Variants in GRIP1 observed in about 807,000 individuals in gnomAD.
GRIP1 encodes the protein glutamate receptor-interacting protein 1.
In GRIP1, 45 loss-of-function variants were observed where a neutral mutation model predicts 129.9. That is an observed-to-expected ratio of 0.35 (90% CI 0.27 to 0.44). GRIP1 has a LOEUF of 0.44. GRIP1 is among the 20% of genes least tolerant of loss of function. GRIP1 has a pLI of 1.00. For missense variants in GRIP1, 1,196 were observed against 1,396.8 expected, an observed-to-expected ratio of 0.86 and a Z score of 2.29; for synonymous variants, 530 against 520.8, an observed-to-expected ratio of 1.02 and a Z score of -0.24.
At chr12:66,838,969 C>T (rs1447734627) in intron 1 of GRIP1, among the ~76,000 whole-genome samples, 4 of 152,062 alleles carry the variant, frequency 2.6e-5, no homozygotes, top group Non-Finnish European at 5.9e-5. Flanking sequence ...CTGCCTTGAT[C>T]ACAAATACTA....
At chr12:66,456,037 A>C (rs1191424081) in intron 10 of GRIP1, 150 bp downstream of exon 10, 1 of 420,856 alleles carries the variant, frequency 2.4e-6, no homozygotes, top group Non-Finnish European at 4.3e-6. Flanking sequence ...CTGATGGAAA[A>C]GAAAAAAACC....
At chr12:66,582,439 T>C (rs538201553) in intron 2 of GRIP1, among the ~76,000 whole-genome samples, 1 of 149,584 alleles carries the variant, frequency 6.7e-6, no homozygotes, top group Non-Finnish European at 1.5e-5. Context: ...TAAAGGGTAT[T>C]CAATTAAGAA....
chr12:66,701,887 TA>T (rs1205506981), intron 1 of GRIP1, among the ~76,000 whole-genome samples: 1 of 152,232 alleles, frequency 6.6e-6, no homozygotes, highest in Non-Finnish European at 1.5e-5. Context: ...GCAGTAGCTA[TA>T]TACTTAATTG....
intron 1 of GRIP1, among the ~76,000 whole-genome samples, chr12:66,851,904 A>G (rs2039918866): frequency 6.6e-6 from 1 of 152,134 alleles, no homozygotes; most frequent in Non-Finnish European, 1.5e-5. Context: ...TCATTTTTAC[A>G]GATCATAAAA....
chr12:66,919,866 G>A (rs945060969), intron 1 of GRIP1, among the ~76,000 whole-genome samples: 2 of 152,054 alleles, frequency 1.3e-5, no homozygotes, highest in African/African-American at 4.8e-5. Flanking sequence ...CATACAAAAT[G>A]CCTGAAGCAA....
intron 7 of GRIP1, among the ~76,000 whole-genome samples, chr12:66,493,215 G>C (rs2060151409): frequency 6.6e-6 from 1 of 152,154 alleles, no homozygotes. Flanking sequence ...TAAGAGTTGG[G>C]AACTATTGCT....
intron 2 of GRIP1, among the ~76,000 whole-genome samples, chr12:66,554,250 GT>G (rs926859529): frequency 1.4e-4 from 21 of 152,306 alleles, no homozygotes; most frequent in Non-Finnish European, 2.4e-4. Flanking sequence ...ACCACACAAA[GT>G]TGGGAGGTGT....
At chr12:66,478,870 T>G (rs1241848894) in intron 7 of GRIP1, among the ~76,000 whole-genome samples, 1 of 151,996 alleles carries the variant, frequency 6.6e-6, no homozygotes, top group Non-Finnish European at 1.5e-5. Context: ...CACACCCTGG[T>G]GCCTGTTATG....
At position 66,406,365 on chromosome 12, in the gene GRIP1, A is replaced by G; in HGVS notation, c.1902T>C (p.Cys634=). 2 of 1,613,994 alleles carry G rather than the reference A, an allele frequency of 1.2e-6. No homozygotes were observed. Among genetic ancestry groups the G allele is most frequent in the Non-Finnish European group, 1.7e-6 (2 of 1,179,856 alleles). ...GGATCTGAACTGCATCTTCCATGGA[A>G]CAGTTGTCCAGCCGGATATTATCTA... The part of the protein sequence containing the change: ...LAIDNIRLDN[C]SMEDAVQILQ... The change falls in exon 16 of 25, where the codon TGT becomes TGC. Residue 634 remains cysteine, a synonymous_variant. Coordinates refer to ENST00000359742, the MANE Select transcript of GRIP1 (RefSeq NM_001366722.1).
chr12:66,500,682 A>C (rs1007014553), intron 7 of GRIP1, among the ~76,000 whole-genome samples: 3 of 152,180 alleles, frequency 2.0e-5, no homozygotes, highest in African/African-American at 7.2e-5. Context: ...TCAATCATTC[A>C]ATGTTCCATG....
intron 16 of GRIP1, among the ~76,000 whole-genome samples, chr12:66,403,031 T>C (rs1390490575): frequency 6.6e-6 from 1 of 152,216 alleles, no homozygotes. Context: ...ATGTAGACAT[T>C]ACTGAAAATG....
intron 1 of GRIP1, among the ~76,000 whole-genome samples, chr12:66,746,006 T>G (rs527499038): frequency 2.2e-4 from 34 of 152,086 alleles, no homozygotes; most frequent in Non-Finnish European, 4.1e-4. Flanking sequence ...TAAAGTTAGT[T>G]CTCAAATATA....
intron 1 of GRIP1, among the ~76,000 whole-genome samples, chr12:66,607,790 G>A (rs1199021171): frequency 6.6e-6 from 1 of 152,100 alleles, no homozygotes; most frequent in Non-Finnish European, 1.5e-5. Flanking sequence ...CTAGACTTAA[G>A]AATTTTCTGA....
intron 1 of GRIP1, among the ~76,000 whole-genome samples, chr12:66,976,384 G>A (rs930971180): frequency 6.6e-6 from 1 of 152,130 alleles, no homozygotes; most frequent in African/African-American, 2.4e-5. Context: ...CTGTTAGAAA[G>A]CTGGTCTTTA....
chr12:67,043,377 G>A (rs548562912), intron 1 of GRIP1, among the ~76,000 whole-genome samples: 4 of 152,206 alleles, frequency 2.6e-5, no homozygotes, highest in African/African-American at 9.6e-5. Flanking sequence ...AACTATAACC[G>A]TTCAGCCCTC....
At chr12:66,507,605 A>G (rs1254590264) in intron 7 of GRIP1, among the ~76,000 whole-genome samples, 2 of 152,170 alleles carry the variant, frequency 1.3e-5, no homozygotes, top group African/African-American at 4.8e-5. Context: ...ACTGCAAGGG[A>G]GTTAATAATC....
chr12:66,799,857 C>A (rs1369603855), intron 1 of GRIP1, among the ~76,000 whole-genome samples: 2 of 152,112 alleles, frequency 1.3e-5, no homozygotes, highest in African/African-American at 2.4e-5. Flanking sequence ...ACACCACAGC[C>A]TAAAAATTAT....
At chr12:66,915,436 G>A (rs1004161517) in intron 1 of GRIP1, among the ~76,000 whole-genome samples, 4 of 152,190 alleles carry the variant, frequency 2.6e-5, no homozygotes, top group Admixed American at 2.6e-4. Flanking sequence ...TCTAGACAAA[G>A]AGCCAGCTAG....
intron 7 of GRIP1, among the ~76,000 whole-genome samples, chr12:66,497,542 TA>T (rs1421842325): frequency 3.3e-5 from 5 of 152,104 alleles, no homozygotes; most frequent in African/African-American, 1.2e-4. Flanking sequence ...AACACTGAGA[TA>T]GGGGTGGCAA....
Sources: allele counts gnomAD v4.1 joint callset (sites outside exome capture counted in the v4.1 genomes callset), GRCh38; gene constraint gnomAD v4.1.1; transcripts MANE v1.5; gene names NCBI Gene and HGNC (gene_info 2026-07-23, HGNC 2026-07-21).